The following PHACTR4 variants were observed in gnomAD, a reference collection of about 807,000 sequenced individuals.
PHACTR4 encodes phosphatase and actin regulator 4, also known as protein phosphatase 1, regulatory subunit 124.
PHACTR4 carries 51 observed loss-of-function variants against 72.7 expected under a neutral mutation model. The observed-to-expected ratio is 0.70, with a 90% CI of 0.56 to 0.89. The LOEUF is 0.89. Among genes scored for constraint, PHACTR4 ranks in the 40% least tolerant of loss-of-function variants. The pLI is 0.00. For missense variants in PHACTR4, 731 were observed against 861.8 expected, an observed-to-expected ratio of 0.85 and a Z score of 1.90; for synonymous variants, 255 against 302.5, an observed-to-expected ratio of 0.84 and a Z score of 1.63.
At chr1:28,374,262 A>G (rs970426701) in intron 1 of PHACTR4, among the ~76,000 whole-genome samples, 1 of 152,238 alleles carries the variant, frequency 6.6e-6, no homozygotes, top group Admixed American at 6.5e-5. Flanking sequence ...TAAATACAAT[A>G]GCTTTGGCTG....
At chr1:28,417,415 A>G (rs1655171403) in intron 2 of PHACTR4, among the ~76,000 whole-genome samples, 1 of 152,246 alleles carries the variant, frequency 6.6e-6, no homozygotes, top group South Asian at 2.1e-4. Context: ...ATAATAAAAT[A>G]GAACAAATAA....
intron 1 of PHACTR4, among the ~76,000 whole-genome samples, chr1:28,396,845 C>CTTTTTTTTTTT (rs60578939): frequency 7.1e-4 from 85 of 119,654 alleles, no homozygotes; most frequent in African/African-American, 1.8e-3. Flanking sequence ...TTCTTTCTTT[C>CTTTTTTTTTTT]TTTTTTTTTT....
intron 7 of PHACTR4, among the ~76,000 whole-genome samples, chr1:28,475,346 C>A (rs1005891792): frequency 6.6e-6 from 1 of 151,874 alleles, no homozygotes; most frequent in African/African-American, 2.4e-5. Context: ...AAAATTACAA[C>A]CGCTAGTTTT....
At chr1:28,493,227 G>A (rs1345331455) in intron 13 of PHACTR4, 136 bp downstream of exon 13, 2 of 747,174 alleles carry the variant, frequency 2.7e-6, no homozygotes, top group Non-Finnish European at 4.5e-6. Context: ...TCAAAGGGAT[G>A]AAAAGTAAGA....
At chr1:28,407,969 A>C (rs1202330197) in intron 2 of PHACTR4, among the ~76,000 whole-genome samples, 1 of 151,788 alleles carries the variant, frequency 6.6e-6, no homozygotes, top group African/African-American at 2.4e-5. Context: ...AAATACAAAA[A>C]TTTAGCTGGG....
At chr1:28,414,190 C>T (rs189605831) in intron 2 of PHACTR4, among the ~76,000 whole-genome samples, 3 of 152,112 alleles carry the variant, frequency 2.0e-5, no homozygotes, top group African/African-American at 7.2e-5. Flanking sequence ...ATTCTCCTGG[C>T]CTCAGCCTCC....
intron 2 of PHACTR4, among the ~76,000 whole-genome samples, chr1:28,426,741 G>A (rs1655888901): frequency 6.9e-6 from 1 of 145,052 alleles, no homozygotes. Context: ...TTTTTTAATA[G>A]AGACAAGATC....
intron 3 of PHACTR4, among the ~76,000 whole-genome samples, chr1:28,459,648 C>T (rs1365748916): frequency 1.3e-5 from 2 of 151,964 alleles, no homozygotes; most frequent in East Asian, 3.9e-4. Context: ...GCGATCCTCC[C>T]ACCTCAGCCT....
At chr1:28,413,434 T>C (rs1211414791) in intron 2 of PHACTR4, among the ~76,000 whole-genome samples, 1 of 152,224 alleles carries the variant, frequency 6.6e-6, no homozygotes, top group African/African-American at 2.4e-5. Context: ...GCTTTGCTTC[T>C]TTCCTGTGTT....
In PHACTR4 at chr1:28,473,713, G is replaced by A. The variant is rs754743514; in HGVS notation, c.983G>A (p.Cys328Tyr). Residue 328 changes from cysteine (C) to tyrosine (Y), a missense_variant, in exon 7 of 14, where the codon TGT becomes TAT. Physicochemically the swap from Cys to Tyr is radical, Grantham distance 194 (BLOSUM62 -2). Coordinates refer to ENST00000373839, the MANE Select transcript of PHACTR4 (RefSeq NM_001048183.3). ...AGTGATGAAAGAGAGAAGAGCACGTGTTCTATGGGCTCGGAACTACTACCA... is the reference window on the plus strand; with the variant it reads ...AGTGATGAAAGAGAGAAGAGCACGTATTCTATGGGCTCGGAACTACTACCA... ...TPSDEREKST[C>Y]SMGSELLPMI... is the part of the protein sequence containing the mutation. 1.9e-6 allele frequency: 3 copies of A among 1,613,952 alleles called. No individual in the cohort carries two copies. In the African/African-American group the frequency reaches 4.0e-5, roughly 22 times the overall value.
Position 28,389,995 on chromosome 1 carries a change from G to T in PHACTR4, c.-38-17415G>T, listed in dbSNP as rs142869128. On this transcript the variant is annotated intron_variant, in intron 1 of 13. Transcript: ENST00000373839. ...GTCCATCAGTAGATGAATGGATAAA[G>T]AAAATTTGGTATATATACACAACGA... Among the ~76,000 whole-genome samples the T allele has an allele frequency of 4.0e-3, 616 of 152,256 alleles. 2 individuals carry two copies. The highest frequency in any genetic ancestry group is 7.1e-3 in the Non-Finnish European group (482 of 68,020).
At chr1:28,466,002 T>TC (rs1659138236) in intron 5 of PHACTR4, among the ~76,000 whole-genome samples, 153 bp downstream of exon 5, 2 of 152,116 alleles carry the variant, frequency 1.3e-5, no homozygotes. Flanking sequence ...GGGAATTTCC[T>TC]CCCCCACCCC....
chr1:28,471,347 C>G (rs574149978), intron 6 of PHACTR4, among the ~76,000 whole-genome samples: 2 of 151,628 alleles, frequency 1.3e-5, no homozygotes, highest in Admixed American at 1.3e-4. Context: ...AACTCCATCT[C>G]AAAAAAGAAA....
intron 2 of PHACTR4, among the ~76,000 whole-genome samples, chr1:28,422,404 A>G (rs183767759): frequency 4.8e-4 from 73 of 152,340 alleles, no homozygotes; most frequent in African/African-American, 1.6e-3. Context: ...ATTATGGAGG[A>G]TGTGTATAGG....
chr1:28,395,986 C>G (rs1327698254), intron 1 of PHACTR4, among the ~76,000 whole-genome samples: 1 of 147,116 alleles, frequency 6.8e-6, no homozygotes, highest in Non-Finnish European at 1.5e-5. Flanking sequence ...TTTGAACAGG[C>G]TTTTCCATTT....
intron 6 of PHACTR4, among the ~76,000 whole-genome samples, chr1:28,470,012 T>C (rs970071123): frequency 2.6e-5 from 4 of 151,258 alleles, no homozygotes; most frequent in Admixed American, 6.6e-5. Context: ...TGAGCCAAAA[T>C]TGCACCACTG....
chr1:28,373,918 T>G (rs1329984153), intron 1 of PHACTR4, among the ~76,000 whole-genome samples: 1 of 152,198 alleles, frequency 6.6e-6, no homozygotes, highest in Admixed American at 6.5e-5. Flanking sequence ...AATCTAGTCC[T>G]CTTTCAGTTA....
chr1:28,470,926 G>A (rs967499644), intron 6 of PHACTR4, among the ~76,000 whole-genome samples: 1 of 151,716 alleles, frequency 6.6e-6, no homozygotes, highest in Non-Finnish European at 1.5e-5. Flanking sequence ...TTGGGAGGCT[G>A]TAGCAAGAGG....
Position 28,499,793 on chromosome 1 carries a change from C to T in PHACTR4, c.*3244C>T, listed in dbSNP as rs1169278552. On this transcript the variant is annotated 3_prime_UTR_variant, in exon 14 of 14. Transcript: ENST00000373839. The stretch of plus-strand genomic sequence containing the variant: ...GCCCAGCCTCCTTGAAGTTTACTAA[C>T]AATTGGGATAACTGAGGGAAGAGAA... 1.3e-5 allele frequency: 2 copies of T among 152,120 alleles called. No individual in the cohort carries two copies. The highest frequency in any genetic ancestry group is 1.5e-5 in the Non-Finnish European group (1 of 68,042). The allele number at this position is 152,120 out of a possible 1,614,324, so 9.4% of individuals were successfully genotyped here.
Sources: allele counts gnomAD v4.1 joint callset (sites outside exome capture counted in the v4.1 genomes callset), GRCh38; gene constraint gnomAD v4.1.1; transcripts MANE v1.5; gene names NCBI Gene and HGNC (gene_info 2026-07-23, HGNC 2026-07-21).